Variants in KCND2 observed in about 807,000 individuals in gnomAD.
KCND2 encodes A-type voltage-gated potassium channel KCND2.
In KCND2, 16 loss-of-function variants were observed where a neutral mutation model predicts 54.4. The ratio of observed to expected loss-of-function variants is 0.29; its 90% CI spans 0.20 to 0.45. The LOEUF is 0.45. KCND2 is among the 20% of genes least tolerant of loss of function. The pLI is 1.00. For synonymous variants in KCND2, 317 were observed against 310.7 expected (o/e 1.02, Z -0.21); for missense variants, 486 against 824.2 (o/e 0.59, Z 5.02).
chr7:120,394,464 C>T (rs1021125919), intron 1 of KCND2, among the ~76,000 whole-genome samples: 4 of 151,870 alleles, frequency 2.6e-5, no homozygotes, highest in African/African-American at 7.2e-5. Flanking sequence ...GGGGAACTCA[C>T]GAATCTTGTG....
At chr7:120,712,095 T>C (rs942250732) in intron 1 of KCND2, among the ~76,000 whole-genome samples, 2 of 150,550 alleles carry the variant, frequency 1.3e-5, no homozygotes, top group African/African-American at 2.4e-5. Context: ...CTACCTTCTG[T>C]CAATATGAAC....
intron 1 of KCND2, among the ~76,000 whole-genome samples, chr7:120,331,605 T>A (rs1410330607): frequency 6.6e-6 from 1 of 152,040 alleles, no homozygotes; most frequent in Non-Finnish European, 1.5e-5. Context: ...GCAGAAACGA[T>A]GAGATGATTG....
intron 1 of KCND2, among the ~76,000 whole-genome samples, chr7:120,644,181 A>T (rs114792606): frequency 0.019 from 2,892 of 152,278 alleles, 75 homozygotes; most frequent in African/African-American, 0.064. Flanking sequence ...GAATTTCAGA[A>T]TATTATATGC....
At chr7:120,372,087 G>T (rs953173972) in intron 1 of KCND2, among the ~76,000 whole-genome samples, 3 of 151,746 alleles carry the variant, frequency 2.0e-5, no homozygotes, top group Non-Finnish European at 4.4e-5. Flanking sequence ...TATTCTTTTT[G>T]GTTATCTACC....
intron 1 of KCND2, among the ~76,000 whole-genome samples, chr7:120,483,992 G>GA (rs1039567829): frequency 2.6e-5 from 4 of 151,532 alleles, no homozygotes; most frequent in Middle Eastern, 3.2e-3. Flanking sequence ...CTGCTGAAGA[G>GA]AAAAAAAAGC....
chr7:120,682,901 A>G (rs1266464094), intron 1 of KCND2, among the ~76,000 whole-genome samples: 1 of 152,132 alleles, frequency 6.6e-6, no homozygotes, highest in Non-Finnish European at 1.5e-5. Flanking sequence ...ATTCCTACTC[A>G]GGGTGTTAAA....
intron 1 of KCND2, among the ~76,000 whole-genome samples, chr7:120,720,487 C>A (rs752445886): frequency 6.6e-6 from 1 of 152,114 alleles, no homozygotes; most frequent in Admixed American, 6.6e-5. Context: ...CAGATGCCAG[C>A]AGACTGCATC....
intron 1 of KCND2, among the ~76,000 whole-genome samples, chr7:120,496,881 C>G (rs917479319): frequency 2.6e-5 from 4 of 152,154 alleles, no homozygotes; most frequent in Non-Finnish European, 5.9e-5. Flanking sequence ...GTTGGAATTG[C>G]AGATAATTTG....
intron 1 of KCND2, among the ~76,000 whole-genome samples, chr7:120,569,358 A>G (rs376626185): frequency 6.6e-6 from 1 of 152,154 alleles, no homozygotes; most frequent in South Asian, 2.1e-4. Flanking sequence ...AAAATTATCT[A>G]ATTATTTCCT....
At chr7:120,492,894 G>A (rs1010988270) in intron 1 of KCND2, among the ~76,000 whole-genome samples, 2 of 152,010 alleles carry the variant, frequency 1.3e-5, no homozygotes, top group African/African-American at 4.8e-5. Context: ...TGTTCTGAAA[G>A]TGAAAAACAG....
At chr7:120,475,061 T>C (rs551170942) in intron 1 of KCND2, among the ~76,000 whole-genome samples, 4 of 152,300 alleles carry the variant, frequency 2.6e-5, no homozygotes, top group African/African-American at 9.6e-5. Flanking sequence ...AACTGAGCAA[T>C]TTATATTTCA....
At chr7:120,354,060 C>T (rs1278505578) in intron 1 of KCND2, among the ~76,000 whole-genome samples, 2 of 152,134 alleles carry the variant, frequency 1.3e-5, no homozygotes, top group African/African-American at 4.8e-5. Context: ...TGAAAGTACA[C>T]TTATTGTCTC....
intron 1 of KCND2, among the ~76,000 whole-genome samples, chr7:120,349,237 C>G (rs1382816767): frequency 6.6e-6 from 1 of 151,960 alleles, no homozygotes; most frequent in African/African-American, 2.4e-5. Context: ...ATTAGATGGA[C>G]ATCTGAAGTA....
At position 120,684,120 on chromosome 7, in the gene KCND2, C is replaced by G. The variant is rs117877605; in HGVS notation, c.1116-48783C>G. ...TCACCTGAAAGCAAAAGGGATACGG[C>G]TGACTACAAGGAAAGCTTCTGTCAT... On this transcript the variant is annotated intron_variant, in intron 1 of 5. Coordinates refer to ENST00000331113, the MANE Select transcript of KCND2 (RefSeq NM_012281.3). 3.3e-4 allele frequency among the ~76,000 whole-genome samples: 50 copies of G among 152,242 alleles called. 1 individual carries two copies. In the East Asian group the frequency reaches 9.1e-3, roughly 28 times the overall value.
Position 120,699,138 on chromosome 7 carries a change from C to T in KCND2, c.1116-33765C>T, listed in dbSNP as rs1349124159. On this transcript the variant is annotated intron_variant, in intron 1 of 5. Transcript: ENST00000331113. ...CACTAAAAAATACAAAAAAATTAGC[C>T]GGGTGTGGTGGCGGGTACCTGTCGT... 6.6e-5 allele frequency among the ~76,000 whole-genome samples: 10 copies of T among 151,796 alleles called. No individual in the cohort carries two copies. The East Asian group carries it at 9.7e-4, about 15-fold the overall frequency.
intron 1 of KCND2, among the ~76,000 whole-genome samples, chr7:120,698,895 A>G (rs1215218622): frequency 1.3e-5 from 2 of 152,220 alleles, no homozygotes; most frequent in East Asian, 3.9e-4. Context: ...TTTCTGTTAT[A>G]TTTAAAAAGT....
At chr7:120,610,128 T>C (rs979457841) in intron 1 of KCND2, among the ~76,000 whole-genome samples, 7 of 152,138 alleles carry the variant, frequency 4.6e-5, no homozygotes, top group African/African-American at 1.7e-4. Flanking sequence ...ATGGCATGCG[T>C]GACTAAACTA....
Position 120,640,553 on chromosome 7 carries a change from GAAT to G in KCND2, c.1116-92346_1116-92344del, listed in dbSNP as rs529709906. Among the ~76,000 whole-genome samples, 133 of 151,912 alleles carry G rather than the reference GAAT, an allele frequency of 8.8e-4. 1 individual carries two copies. The highest frequency in any genetic ancestry group is 3.9e-4 in the East Asian group (2 of 5,174). ...ATTCTTCAAAAATGTCTTAGAGGAG[GAAT>G]AATTTTATGTTAGTCATTTTGTGAA... On this transcript the variant is annotated intron_variant, in intron 1 of 5. Coordinates refer to ENST00000331113, the MANE Select transcript of KCND2 (RefSeq NM_012281.3).
At chr7:120,744,035 G>A (rs1257624801) in intron 4 of KCND2, among the ~76,000 whole-genome samples, 2 of 152,118 alleles carry the variant, frequency 1.3e-5, no homozygotes, top group South Asian at 2.1e-4. Context: ...CAAGGTGGGC[G>A]GGTCAACTGA....
Sources: allele counts gnomAD v4.1 joint callset (sites outside exome capture counted in the v4.1 genomes callset), GRCh38; gene constraint gnomAD v4.1.1; transcripts MANE v1.5; gene names NCBI Gene and HGNC (gene_info 2026-07-23, HGNC 2026-07-21).